Variants in PEX5L observed in about 807,000 individuals in gnomAD.
PEX5L encodes the protein peroxisomal biogenesis factor 5 like.
In PEX5L, 30 loss-of-function variants were observed where a neutral mutation model predicts 84.0. That is an observed-to-expected ratio of 0.36 (90% CI 0.27 to 0.48). The LOEUF (loss-of-function observed/expected upper bound fraction) is 0.48. Among genes scored for constraint, PEX5L ranks in the 20% least tolerant of loss-of-function variants. The pLI, the probability that PEX5L is intolerant of heterozygous loss-of-function variation, is 0.99. For missense variants in PEX5L, 533 were observed against 754.6 expected, an observed-to-expected ratio of 0.71 and a Z score of 3.44; for synonymous variants, 270 against 283.1, an observed-to-expected ratio of 0.95 and a Z score of 0.46.
chr3:179,953,005 GA>G (rs1228727181), intron 2 of PEX5L, among the ~76,000 whole-genome samples: 27 of 152,148 alleles, frequency 1.8e-4, no homozygotes, highest in Non-Finnish European at 3.5e-4. Flanking sequence ...ATGGGGAAAG[GA>G]TTCCCTATTT....
At chr3:179,935,288 A>C (rs144624454) in intron 2 of PEX5L, among the ~76,000 whole-genome samples, 2,935 of 152,318 alleles carry the variant, frequency 0.019, 114 homozygotes, top group African/African-American at 0.067. Flanking sequence ...CATATACACA[A>C]AGAAAGAAAG....
intron 8 of PEX5L, among the ~76,000 whole-genome samples, chr3:179,822,728 G>T (rs971969195): frequency 2.0e-5 from 3 of 152,206 alleles, no homozygotes; most frequent in African/African-American, 4.8e-5. Context: ...TTGGTAGATT[G>T]CTGTTTATAC....
At chr3:179,909,063 T>C (rs1764268392) in intron 2 of PEX5L, among the ~76,000 whole-genome samples, 1 of 152,150 alleles carries the variant, frequency 6.6e-6, no homozygotes, top group Admixed American at 6.5e-5. Flanking sequence ...TTGGCTTAAT[T>C]GTCTCTATGA....
At chr3:180,026,316 A>T (rs1370883420) in intron 1 of PEX5L, among the ~76,000 whole-genome samples, 5 of 151,828 alleles carry the variant, frequency 3.3e-5, no homozygotes, top group Non-Finnish European at 7.4e-5. Context: ...GCTTAAGAAG[A>T]CTTTCTTTTT....
chr3:179,865,841 G>C (rs1747938236), intron 7 of PEX5L, among the ~76,000 whole-genome samples: 1 of 152,170 alleles, frequency 6.6e-6, no homozygotes, highest in Non-Finnish European at 1.5e-5. Context: ...GGTAGTGCTA[G>C]GCTAGGAAAC....
At chr3:179,997,579 A>G (rs564959667) in intron 1 of PEX5L, among the ~76,000 whole-genome samples, 255 of 152,322 alleles carry the variant, frequency 1.7e-3, no homozygotes, top group African/African-American at 5.9e-3. Context: ...GATTAGTGCC[A>G]CCATCGAGGA....
intron 8 of PEX5L, among the ~76,000 whole-genome samples, chr3:179,843,068 A>G (rs1373280764): frequency 6.6e-6 from 1 of 152,124 alleles, no homozygotes; most frequent in Non-Finnish European, 1.5e-5. Flanking sequence ...ATTCTGATTG[A>G]AACGACTGCA....
chr3:179,853,481 C>T (rs1234546228), intron 8 of PEX5L, among the ~76,000 whole-genome samples: 2 of 152,148 alleles, frequency 1.3e-5, no homozygotes, highest in Non-Finnish European at 2.9e-5. Context: ...GTAGAAATCT[C>T]CACTCCTGGG....
rs9681233 is a variant in PEX5L at position 179,838,622 on chromosome 3, A to G, written c.823-18646T>C. The stretch of plus-strand genomic sequence containing the variant: ...TTGTTGCTGCAAGACTTGGGTTTGC[A>G]TCTTGACTGTTGTCTAACTAATAAC... On this transcript the variant is annotated intron_variant, in intron 8 of 14. Coordinates refer to ENST00000467460, the MANE Select transcript of PEX5L (RefSeq NM_016559.3). 8.9e-3 allele frequency among the ~76,000 whole-genome samples: 1,348 copies of G among 152,316 alleles called. 26 individuals carry two copies. Among genetic ancestry groups the G allele is most frequent in the African/African-American group, 0.031 (1,272 of 41,568 alleles).
intron 1 of PEX5L, among the ~76,000 whole-genome samples, chr3:179,999,997 A>G (rs2110415856): frequency 6.6e-6 from 1 of 152,326 alleles, no homozygotes. Flanking sequence ...TATATGGTAC[A>G]GTTTTTCCCA....
chr3:179,852,723 T>C (rs1742384392), intron 8 of PEX5L, among the ~76,000 whole-genome samples: 1 of 152,194 alleles, frequency 6.6e-6, no homozygotes, highest in Admixed American at 6.5e-5. Context: ...TTTTTTCTCA[T>C]TTACATATTT....
Position 179,929,861 on chromosome 3 carries a change from CTTTCTGGTTCTCTT to C in PEX5L, c.94-31629_94-31616del, listed in dbSNP as rs570250646. ...GTGACCTGCGTAGACCTATCTTGCT[CTTTCTGGTTCTCTT>C]GTTGTTTATCAGACCGGGACATAGC... On this transcript the variant is annotated intron_variant, in intron 2 of 14. Transcript: ENST00000467460. Among the ~76,000 whole-genome samples, 37 of 152,354 alleles carry C rather than the reference CTTTCTGGTTCTCTT, an allele frequency of 2.4e-4. No individual in the cohort carries two copies. In the South Asian group the frequency reaches 7.5e-3, roughly 31 times the overall value.
chr3:179,988,033 T>A (rs1006550205), intron 1 of PEX5L, among the ~76,000 whole-genome samples: 2 of 152,154 alleles, frequency 1.3e-5, no homozygotes, highest in Admixed American at 6.5e-5. Context: ...GACCAGACGA[T>A]CTTTCACATT....
intron 8 of PEX5L, among the ~76,000 whole-genome samples, chr3:179,858,115 C>A (rs760206834): frequency 6.6e-6 from 1 of 151,906 alleles, no homozygotes. Context: ...ACTGAAAGAC[C>A]ACCCTTTCAG....
At chr3:179,974,488 G>C (rs1446275698) in intron 1 of PEX5L, among the ~76,000 whole-genome samples, 4 of 152,144 alleles carry the variant, frequency 2.6e-5, no homozygotes, top group African/African-American at 9.7e-5. Context: ...AAAATGGTGA[G>C]GTCCTAAGGC....
At chr3:179,990,064 T>C (rs1358500214) in intron 1 of PEX5L, among the ~76,000 whole-genome samples, 1 of 152,214 alleles carries the variant, frequency 6.6e-6, no homozygotes, top group Non-Finnish European at 1.5e-5. Flanking sequence ...TAAAAGTCAG[T>C]ACATCTTTAT....
chr3:179,881,954 T>C (rs1578001269), intron 4 of PEX5L, among the ~76,000 whole-genome samples: 1 of 152,058 alleles, frequency 6.6e-6, no homozygotes, highest in South Asian at 2.1e-4. Flanking sequence ...AGAACTAAGC[T>C]GCCTGGCTTT....
chr3:179,932,946 A>G lies in PEX5L; in HGVS notation c.94-34700T>C, dbSNP rs114486285. On this transcript the variant is annotated intron_variant, in intron 2 of 14. Coordinates refer to ENST00000467460, the MANE Select transcript of PEX5L (RefSeq NM_016559.3). Reference sequence around the variant, plus strand: ...GTAACTATAGTCCTCATGGTGTACAATAGATCTCCTGATCTCCTAAATAAC... The same window carrying G: ...GTAACTATAGTCCTCATGGTGTACAGTAGATCTCCTGATCTCCTAAATAAC... Among the ~76,000 whole-genome samples, 794 of 152,282 alleles carry G rather than the reference A, an allele frequency of 5.2e-3. 7 individuals carry two copies. The highest frequency in any genetic ancestry group is 0.018 in the African/African-American group (746 of 41,538).
intron 7 of PEX5L, among the ~76,000 whole-genome samples, 170 bp from the exon 8 acceptor site, chr3:179,859,327 C>T (rs1261499076): frequency 6.6e-6 from 1 of 152,160 alleles, no homozygotes; most frequent in African/African-American, 2.4e-5. Context: ...AACTGAGATG[C>T]TGTCAAAATG....
Sources: allele counts gnomAD v4.1 joint callset (sites outside exome capture counted in the v4.1 genomes callset), GRCh38; gene constraint gnomAD v4.1.1; transcripts MANE v1.5; gene names NCBI Gene and HGNC (gene_info 2026-07-23, HGNC 2026-07-21).